The following ADAM2 variants were observed in gnomAD, a reference collection of about 807,000 sequenced individuals.
ADAM2 encodes disintegrin and metalloproteinase domain-containing protein 2.
A neutral mutation model predicts 99.3 loss-of-function variants in ADAM2; 101 were observed. The ratio of observed to expected loss-of-function variants is 1.02; its 90% CI spans 0.87 to 1.20. The LOEUF (loss-of-function observed/expected upper bound fraction) is 1.20. Ranked by LOEUF, ADAM2 falls within the 50% of genes most tolerant of loss-of-function variation. The pLI, the probability that ADAM2 is intolerant of heterozygous loss-of-function variation, is 0.00. For missense variants in ADAM2, 948 were observed against 878.7 expected (o/e 1.08, Z -1.00); for synonymous variants, 323 against 287.6 (o/e 1.12, Z -1.25).
rs560504535 is a variant in ADAM2 at position 39,794,480 on chromosome 8, C to A, written c.571-5740G>T. 1.2e-4 allele frequency among the ~76,000 whole-genome samples: 19 copies of A among 152,040 alleles called. No individual in the cohort carries two copies. In the South Asian group the frequency reaches 3.9e-3, roughly 32 times the overall value. ...ATATAGTCCTTTACCCAATTTCTGCCTCCAAAGAAAGAAGAAGTAAAAACT... is the reference window on the plus strand; with the variant it reads ...ATATAGTCCTTTACCCAATTTCTGCATCCAAAGAAAGAAGAAGTAAAAACT... On this transcript the variant is annotated intron_variant, in intron 7 of 20. Coordinates refer to ENST00000265708, the MANE Select transcript of ADAM2 (RefSeq NM_001464.5).
At chr8:39,761,115 A>G in intron 15 of ADAM2, 61 bp downstream of exon 15, 2 of 1,037,414 alleles carry the variant, frequency 1.9e-6, no homozygotes, top group Non-Finnish European at 2.8e-6. Context: ...TAATTGTTTG[A>G]TGGTATTTTC....
intron 15 of ADAM2, among the ~76,000 whole-genome samples, chr8:39,760,882 C>CAAAAAAAAAAAAAAAAA (rs58386097): frequency 1.7e-5 from 1 of 60,182 alleles, no homozygotes; most frequent in Non-Finnish European, 2.9e-5. Flanking sequence ...GACTCCATCT[C>CAAAAAAAAAAAAAAAAA]AAAAAAAAAA....
chr8:39,752,298 A>G (rs1343392706), intron 16 of ADAM2, among the ~76,000 whole-genome samples: 2 of 152,208 alleles, frequency 1.3e-5, no homozygotes, highest in Non-Finnish European at 2.9e-5. Flanking sequence ...ACGGTGATAT[A>G]GAAAACAAAA....
At chr8:39,833,810 C>CATATGATAA (rs1382264597) in intron 3 of ADAM2, 134 bp downstream of exon 3, 2 of 645,306 alleles carry the variant, frequency 3.1e-6, no homozygotes, top group African/African-American at 1.9e-5. Context: ...AGGCTTAAAT[C>CATATGATAA]ATATGATAAG....
intron 7 of ADAM2, among the ~76,000 whole-genome samples, chr8:39,796,713 G>A (rs1313074106): frequency 1.3e-5 from 2 of 152,136 alleles, no homozygotes; most frequent in East Asian, 1.9e-4. Flanking sequence ...ATTATTTCCT[G>A]ACTTTTTAAT....
At chr8:39,809,289 G>C in intron 7 of ADAM2, 121 bp downstream of exon 7, 2 of 572,322 alleles carry the variant, frequency 3.5e-6, no homozygotes, top group Admixed American at 7.7e-5. Context: ...AATTTAAAGT[G>C]CATTAATGCA....
At chr8:39,809,181 T>C (rs1001896543) in intron 7 of ADAM2, among the ~76,000 whole-genome samples, 1 of 152,186 alleles carries the variant, frequency 6.6e-6, no homozygotes, top group Admixed American at 6.5e-5. Flanking sequence ...AAACTATTTG[T>C]AAACTATTAT....
At chr8:39,832,048 A>G (rs1056236679) in intron 3 of ADAM2, among the ~76,000 whole-genome samples, 1 of 152,194 alleles carries the variant, frequency 6.6e-6, no homozygotes, top group Non-Finnish European at 1.5e-5. Context: ...GACAAACTAC[A>G]GCATCTTAAA....
At chr8:39,808,807 T>G (rs2129586900) in intron 7 of ADAM2, among the ~76,000 whole-genome samples, 1 of 152,214 alleles carries the variant, frequency 6.6e-6, no homozygotes, top group South Asian at 2.1e-4. Context: ...TCCCAGTTAC[T>G]TGTGAGGCTA....
intron 4 of ADAM2, among the ~76,000 whole-genome samples, chr8:39,823,414 G>C (rs1328675949): frequency 1.3e-5 from 2 of 152,060 alleles, no homozygotes; most frequent in Non-Finnish European, 2.9e-5. Context: ...CTGCAACCTT[G>C]GCAAACACAA....
rs115506735 is a variant in ADAM2 at position 39,820,993 on chromosome 8, A to G, written c.513+9T>C. Reference sequence around the variant, plus strand: ...AATAACCATAGAGTTTGTTCAATTAATCACCTACCTCTACGCTTTGTAATT... The same window carrying G: ...AATAACCATAGAGTTTGTTCAATTAGTCACCTACCTCTACGCTTTGTAATT... On this transcript the variant is annotated intron_variant, in intron 6 of 20. Coordinates refer to ENST00000265708, the MANE Select transcript of ADAM2 (RefSeq NM_001464.5). 1.4e-3 allele frequency: 2,226 copies of G among 1,545,934 alleles called. 26 individuals are homozygous for G. The African/African-American group carries it at 0.027, about 19-fold the overall frequency.
In ADAM2 at chr8:39,767,176, C is replaced by T; in HGVS notation, c.1288G>A (p.Gly430Arg). The part of the protein sequence containing the change: ...RFKAGSNCAE[G>R]PCCENCLFMS... Reference sequence around the variant, plus strand: ...ACTAGACAGTTTTCGCAGCATGGTCCTTCAGCACAGTTTGAACCGGCTTTA... The same window carrying T: ...ACTAGACAGTTTTCGCAGCATGGTCTTTCAGCACAGTTTGAACCGGCTTTA... Residue 430 changes from glycine to arginine, a missense_variant, in exon 13 of 21, where the codon GGA (glycine) becomes AGA (arginine). Transcript: ENST00000265708. The T allele has an allele frequency of 6.2e-7, 1 of 1,608,088 alleles. No individual in the cohort carries two copies. The highest frequency in any genetic ancestry group is 8.5e-7 in the Non-Finnish European group (1 of 1,178,790).
At chr8:39,822,260 G>A (rs755165127) in intron 4 of ADAM2, among the ~76,000 whole-genome samples, 1 of 152,190 alleles carries the variant, frequency 6.6e-6, no homozygotes, top group Non-Finnish European at 1.5e-5. Flanking sequence ...ACATTCCACA[G>A]CTTTTATCTT....
At position 39,749,755 on chromosome 8, in the gene ADAM2, T is replaced by C; in HGVS notation, c.1798-11A>G. ...TTGATTCCTGCAAACCTAAAAAGGA[T>C]GAGCAAAAATAAGTTAATTGACATG... On this transcript the variant is annotated splice_polypyrimidine_tract_variant and intron_variant, in intron 16 of 20. Coordinates refer to ENST00000265708, the MANE Select transcript of ADAM2 (RefSeq NM_001464.5). 6.2e-7 allele frequency: 1 copy of C among 1,608,468 alleles called. No individual in the cohort carries two copies. Among genetic ancestry groups the C allele is most frequent in the South Asian group, 1.1e-5 (1 of 90,342 alleles).
intron 7 of ADAM2, among the ~76,000 whole-genome samples, chr8:39,805,181 C>T (rs185717373): frequency 8.5e-5 from 13 of 152,156 alleles, no homozygotes; most frequent in African/African-American, 3.1e-4. Flanking sequence ...AGGGCTTTGA[C>T]CTCATGACCT....
intron 10 of ADAM2, among the ~76,000 whole-genome samples, 189 bp downstream of exon 10, chr8:39,786,785 G>T (rs1803483030): frequency 6.6e-6 from 1 of 151,940 alleles, no homozygotes; most frequent in Non-Finnish European, 1.5e-5. Context: ...ACTCATGATA[G>T]GAAATTGAAA....
At position 39,824,692 on chromosome 8, in the gene ADAM2, G is replaced by A. The variant is rs112293266; in HGVS notation, c.267+127C>T. On this transcript the variant is annotated intron_variant, in intron 4 of 20. Transcript: ENST00000265708. ...AGTACATCAGTATACATCATTAACA[G>A]GAAAACATTAAACTTATGCCAAGAA... is the stretch of plus-strand genomic sequence containing the variant. The A allele has an allele frequency of 5.2e-5, 34 of 658,600 alleles. No homozygotes were observed. In the East Asian group the frequency reaches 5.8e-4, roughly 11 times the overall value. The allele number at this position is 658,600 out of a possible 1,614,324, so 40.8% of individuals were successfully genotyped here.
chr8:39,814,360 GAA>G (rs746356190), intron 6 of ADAM2, among the ~76,000 whole-genome samples: 1 of 125,536 alleles, frequency 8.0e-6, no homozygotes, highest in Admixed American at 8.1e-5. Context: ...CTCTGTCTCA[GAA>G]AAAAAAAAAA....
chr8:39,754,514 T>G (rs950215120), intron 16 of ADAM2, among the ~76,000 whole-genome samples: 14 of 152,216 alleles, frequency 9.2e-5, no homozygotes, highest in African/African-American at 3.4e-4. Flanking sequence ...TAAGATAGTC[T>G]TGGGCATTAA....
Sources: allele counts gnomAD v4.1 joint callset (sites outside exome capture counted in the v4.1 genomes callset), GRCh38; gene constraint gnomAD v4.1.1; transcripts MANE v1.5; gene names NCBI Gene and HGNC (gene_info 2026-07-23, HGNC 2026-07-21).